The following MEGF6 variants were observed in gnomAD, a reference collection of about 807,000 sequenced individuals.
MEGF6 encodes the protein multiple EGF like domains 6.
A neutral mutation model predicts 207.1 loss-of-function variants in MEGF6; 184 were observed. The ratio of observed to expected loss-of-function variants is 0.89; its 90% confidence interval spans 0.79 to 1.00. MEGF6 has a LOEUF of 1.00. Among genes scored for constraint, MEGF6 ranks in the 50% least tolerant of loss-of-function variants. The pLI is 0.00. For synonymous variants in MEGF6, 1,038 were observed against 910.0 expected (o/e 1.14, Z -2.53); for missense variants, 2,282 against 2,202.9 (o/e 1.04, Z -0.72).
At chr1:3,527,993 T>C (rs1642022417) in intron 4 of MEGF6, among the ~76,000 whole-genome samples, 1 of 152,204 alleles carries the variant, frequency 6.6e-6, no homozygotes, top group South Asian at 2.1e-4. Flanking sequence ...CATCTGGCAG[T>C]GGCAGGGGGC....
chr1:3,499,539 C>A (rs1640759835), intron 23 of MEGF6, 49 bp downstream of exon 23: 2 of 1,546,346 alleles, frequency 1.3e-6, no homozygotes, highest in Non-Finnish European at 8.7e-7. Flanking sequence ...TACGGAGGAC[C>A]TGGCACCCCC....
At chr1:3,513,789 G>A (rs1352514499) in intron 7 of MEGF6, among the ~76,000 whole-genome samples, 1 of 151,076 alleles carries the variant, frequency 6.6e-6, no homozygotes, top group Non-Finnish European at 1.5e-5. Context: ...ACAGGGTCTC[G>A]CCATGCTGCC....
intron 9 of MEGF6, among the ~76,000 whole-genome samples, chr1:3,511,244 A>T (rs2101048214): frequency 6.6e-6 from 1 of 152,280 alleles, no homozygotes; most frequent in South Asian, 2.1e-4. Context: ...CTGGGGTGTG[A>T]CTTCCAGGAC....
At chr1:3,537,882 A>C (rs1053356667) in intron 4 of MEGF6, among the ~76,000 whole-genome samples, 1 of 152,060 alleles carries the variant, frequency 6.6e-6, no homozygotes, top group African/African-American at 2.4e-5. Context: ...GAGAGGGTGG[A>C]GATGGGTGGC....
intron 26 of MEGF6, among the ~76,000 whole-genome samples, chr1:3,497,913 GCA>G (rs1358633954): frequency 1.3e-5 from 2 of 152,164 alleles, no homozygotes; most frequent in African/African-American, 4.8e-5. Context: ...GAGGAATGAG[GCA>G]GTGTTGCCCT....
intron 4 of MEGF6, among the ~76,000 whole-genome samples, chr1:3,554,034 C>A (rs376203793): frequency 6.6e-6 from 1 of 152,318 alleles, no homozygotes; most frequent in Admixed American, 6.5e-5. Flanking sequence ...GGGCCCTGTG[C>A]GAGCTTGCTC....
intron 4 of MEGF6, among the ~76,000 whole-genome samples, chr1:3,576,436 T>C (rs1057396472): frequency 2.0e-5 from 3 of 152,224 alleles, no homozygotes; most frequent in Non-Finnish European, 4.4e-5. Context: ...AATGAAATAA[T>C]TTGGGGGAAC....
At chr1:3,587,927 CAGGAGGG>C (rs1643916069) in intron 3 of MEGF6, among the ~76,000 whole-genome samples, 1 of 10,022 alleles carries the variant, frequency 1.0e-4, no homozygotes, top group Admixed American at 6.5e-4. Context: ...CAGGAGAGGC[CAGGAGGG>C]GGCAGGAGGG....
At chr1:3,501,124 G>A in intron 19 of MEGF6, 30 bp from the exon 20 acceptor site, 1 of 1,612,634 alleles carries the variant, frequency 6.2e-7, no homozygotes. Context: ...GGTGAGTGGG[G>A]CCTGGCCACC....
chr1:3,548,110 A>G (rs1340582613), intron 4 of MEGF6, among the ~76,000 whole-genome samples: 1 of 152,234 alleles, frequency 6.6e-6, no homozygotes, highest in Non-Finnish European at 1.5e-5. Context: ...AGGCAGGCTC[A>G]GAGCCAGTGG....
At chr1:3,535,556 TCTC>T (rs1311169067) in intron 4 of MEGF6, among the ~76,000 whole-genome samples, 1 of 152,000 alleles carries the variant, frequency 6.6e-6, no homozygotes, top group Non-Finnish European at 1.5e-5. Context: ...CTTCTGCTCC[TCTC>T]CTCCTCATCT....
In MEGF6 at chr1:3,488,801, G is replaced by A. The variant is rs144893031; in HGVS notation, c.*1727C>T. Among the ~76,000 whole-genome samples the A allele has an allele frequency of 2.3e-3, 354 of 152,276 alleles. No individual in the cohort carries two copies. The highest frequency in any genetic ancestry group is 7.9e-3 in the African/African-American group (328 of 41,550). On this transcript the variant is annotated 3_prime_UTR_variant, in exon 37 of 37. Transcript: ENST00000356575. ...ACATTGATGTTCTTCAAGGTCTTAT[G>A]GCTTTTTTATGTTATTTTTCCACCT...
upstream of MEGF6, among the ~76,000 whole-genome samples, chr1:3,612,193 CTT>C (rs1644337828): frequency 2.0e-5 from 3 of 152,138 alleles, no homozygotes; most frequent in Admixed American, 2.0e-4. Context: ...CCCCGTTCCT[CTT>C]TCTGTGCTGC....
At chr1:3,611,080 C>T (rs1644318208) in intron 1 of MEGF6, 58 bp downstream of exon 1, 2 of 1,415,540 alleles carry the variant, frequency 1.4e-6, no homozygotes, top group East Asian at 5.9e-5. Context: ...CCACGGGCCT[C>T]CAGAGGCCCC....
At position 3,506,018 on chromosome 1, in the gene MEGF6, T is replaced by C. The variant is rs113120888; in HGVS notation, c.1918+90A>G. ...ACCTGGCTGGGCCCCGATAGCCTCA[T>C]CCTAACCCAGACTACAGGTAACAGG... is the stretch of plus-strand genomic sequence containing the variant. On this transcript the variant is annotated intron_variant, in intron 15 of 36. Transcript: ENST00000356575. 1,915 of 1,476,742 alleles carry C rather than the reference T, an allele frequency of 1.3e-3. 18 individuals are homozygous for C. In the African/African-American group the frequency reaches 0.02, roughly 15 times the overall value. The allele number at this position is 1,476,742 out of a possible 1,614,324, so 91.5% of individuals were successfully genotyped here.
Position 3,507,778 on chromosome 1 carries a change from G to GA in MEGF6, c.1789+16dup. ...CCCAGGGGTAATTCCAGAAGCACCA[G>GA]AAGAGGCTGCACGCACCATCCTCAC... is the stretch of plus-strand genomic sequence containing the variant. On this transcript the variant is annotated intron_variant, in intron 14 of 36. Transcript: ENST00000356575. 6.2e-7 allele frequency: 1 copy of GA among 1,612,696 alleles called. No individual in the cohort carries two copies. Among genetic ancestry groups the GA allele is most frequent in the Non-Finnish European group, 8.5e-7 (1 of 1,179,824 alleles).
Position 3,556,176 on chromosome 1 carries a change from C to G in MEGF6, c.481+23649G>C, listed in dbSNP as rs1396760159. ...AACCACGTCCCTGTTGCTGGGCCAC[C>G]CTGTGAGTCCATGCTCTGCTCCCCA... On this transcript the variant is annotated intron_variant, in intron 4 of 36. Coordinates refer to ENST00000356575, the MANE Select transcript of MEGF6 (RefSeq NM_001409.4). The surrounding 1 kb of genome is among the most constrained non-coding windows in gnomAD (Gnocchi z 4.4). Among the ~76,000 whole-genome samples, 1 of 152,212 alleles carries G rather than the reference C, an allele frequency of 6.6e-6. No individual in the cohort carries two copies. Among genetic ancestry groups the G allele is most frequent in the Non-Finnish European group, 1.5e-5 (1 of 68,040 alleles).
intron 5 of MEGF6, among the ~76,000 whole-genome samples, 171 bp from the exon 6 acceptor site, chr1:3,515,698 C>T (rs776729487): frequency 3.3e-5 from 5 of 152,254 alleles, no homozygotes; most frequent in Non-Finnish European, 7.3e-5. Flanking sequence ...ACGCTGCTCC[C>T]TGCCCGGCTC....
chr1:3,515,443 C>T lies in MEGF6; in HGVS notation c.689G>A (p.Arg230Gln), dbSNP rs772320790. ...GTCCTCCTGGAGCTGGAACCCGGGC[C>T]GGCACTGGCAGCGATGCCGAGTGAT... ...LTITRHRCQC[R>Q]PGFQLQEDGR... is the part of the protein sequence containing the mutation. Residue 230 changes from arginine to glutamine, a missense_variant, in exon 6 of 37, where the codon CGG (arginine) becomes CAG (glutamine). By Grantham distance (43) the Arg-to-Gln change is conservative (BLOSUM62 1). Coordinates refer to ENST00000356575, the MANE Select transcript of MEGF6 (RefSeq NM_001409.4). 148 of 1,612,550 alleles carry T rather than the reference C, an allele frequency of 9.2e-5. No individual in the cohort carries two copies. Among genetic ancestry groups the T allele is most frequent in the Non-Finnish European group, 1.2e-4 (140 of 1,179,916 alleles).
Sources: allele counts gnomAD v4.1 joint callset (sites outside exome capture counted in the v4.1 genomes callset), GRCh38; gene constraint gnomAD v4.1.1; non-coding constraint Gnocchi (gnomAD v3.1); transcripts MANE v1.5; gene names NCBI Gene and HGNC (gene_info 2026-07-23, HGNC 2026-07-21).